Variants in NFIB observed in about 807,000 individuals in gnomAD.
NFIB encodes nuclear factor I B, also known as nuclear factor 1 B-type.
A neutral mutation model predicts 61.5 loss-of-function variants in NFIB; 11 were observed. The observed-to-expected ratio is 0.18, with a 90% CI of 0.11 to 0.30. The LOEUF (loss-of-function observed/expected upper bound fraction) is 0.30. Among genes scored for constraint, NFIB ranks in the 10% least tolerant of loss-of-function variants. NFIB has a pLI of 1.00. For missense variants in NFIB, 471 were observed against 608.9 expected (o/e 0.77, Z 2.38); for synonymous variants, 260 against 216.5 (o/e 1.20, Z -1.76).
intron 2 of NFIB, among the ~76,000 whole-genome samples, chr9:14,294,007 A>C (rs1339127795): frequency 1.3e-5 from 2 of 152,168 alleles, no homozygotes; most frequent in African/African-American, 2.4e-5. Context: ...CCTCCCATGA[A>C]CTCATCTTAA....
At chr9:14,206,420 C>T (rs1049971895) in intron 2 of NFIB, among the ~76,000 whole-genome samples, 5 of 151,988 alleles carry the variant, frequency 3.3e-5, no homozygotes, top group African/African-American at 4.8e-5. Flanking sequence ...CTTCCTGCCT[C>T]GGCCTCGCAA....
the NFIB span, among the ~76,000 whole-genome samples, chr9:14,445,040 G>C: frequency 6.6e-6 from 1 of 152,138 alleles, no homozygotes; most frequent in Non-Finnish European, 1.5e-5. Context: ...CTCATGATAT[G>C]TTTGTGAGCT....
intron 1 of NFIB, among the ~76,000 whole-genome samples, chr9:14,390,657 T>C (rs562599233): frequency 6.6e-6 from 1 of 152,344 alleles, no homozygotes; most frequent in South Asian, 2.1e-4. Context: ...TATTAGGTTA[T>C]GAAAGTGGAG....
intron 1 of NFIB, among the ~76,000 whole-genome samples, chr9:14,372,035 A>T (rs1302686308): frequency 6.6e-6 from 1 of 151,836 alleles, no homozygotes; most frequent in Non-Finnish European, 1.5e-5. Context: ...AGCTTAGAGC[A>T]CCATCTCTAC....
chr9:14,419,287 TA>T, the NFIB span, among the ~76,000 whole-genome samples: 7,236 of 127,004 alleles, frequency 0.057, 186 homozygotes, highest in East Asian at 0.076. Flanking sequence ...GCAGCACTGT[TA>T]AAAAAAAAAA....
chr9:14,502,806 A>C, the NFIB span, among the ~76,000 whole-genome samples: 2 of 151,970 alleles, frequency 1.3e-5, no homozygotes, highest in South Asian at 2.1e-4. Context: ...TTTAGTGGTA[A>C]TTTCTGAGAT....
intron 1 of NFIB, among the ~76,000 whole-genome samples, chr9:14,330,857 G>A (rs2060813265): frequency 6.6e-6 from 1 of 152,142 alleles, no homozygotes; most frequent in African/African-American, 2.4e-5. Context: ...ATTCATAGAT[G>A]TGATCTTAAT....
chr9:14,417,924 G>A, the NFIB span, among the ~76,000 whole-genome samples: 4 of 151,892 alleles, frequency 2.6e-5, no homozygotes, highest in African/African-American at 4.8e-5. Flanking sequence ...GGGATTACAG[G>A]TGCCCCCCAC....
intron 5 of NFIB, among the ~76,000 whole-genome samples, chr9:14,148,057 C>T (rs146913014): frequency 7.6e-4 from 115 of 152,254 alleles, no homozygotes; most frequent in African/African-American, 2.6e-3. Context: ...ATACTTCTTT[C>T]ATATGCCCCC....
intron 2 of NFIB, among the ~76,000 whole-genome samples, chr9:14,208,793 A>G (rs1205491227): frequency 6.6e-6 from 1 of 152,200 alleles, no homozygotes; most frequent in African/African-American, 2.4e-5. Context: ...AAAAAAATGC[A>G]AAAATATTCA....
intron 2 of NFIB, among the ~76,000 whole-genome samples, chr9:14,296,859 A>T (rs1477714022): frequency 1.3e-5 from 2 of 152,270 alleles, no homozygotes; most frequent in Admixed American, 6.5e-5. Flanking sequence ...AAGCAATTCA[A>T]AATTCAAAGG....
At chr9:14,376,836 TA>T (rs61381185) in intron 1 of NFIB, among the ~76,000 whole-genome samples, 3 of 150,552 alleles carry the variant, frequency 2.0e-5, no homozygotes, top group African/African-American at 4.9e-5. Context: ...CCATTTTTTT[TA>T]AAAAAAGAGA....
chr9:14,467,902 T>C, the NFIB span, among the ~76,000 whole-genome samples: 3 of 152,200 alleles, frequency 2.0e-5, no homozygotes, highest in Non-Finnish European at 1.5e-5. Context: ...TTAATAACAA[T>C]GTAGGTATTA....
intron 1 of NFIB, among the ~76,000 whole-genome samples, chr9:14,375,599 A>G (rs1374861837): frequency 6.6e-6 from 1 of 152,134 alleles, no homozygotes; most frequent in Admixed American, 6.6e-5. Flanking sequence ...TGGAGGTTGC[A>G]GTGAGCTGAG....
the NFIB span, among the ~76,000 whole-genome samples, chr9:14,505,691 G>C: frequency 6.6e-6 from 1 of 152,122 alleles, no homozygotes; most frequent in East Asian, 1.9e-4. Flanking sequence ...TAGGGAGAAG[G>C]GTGGGATTGG....
intron 5 of NFIB, 21 bp from the exon 6 acceptor site, chr9:14,146,828 T>C (rs773657839): frequency 6.3e-7 from 1 of 1,598,518 alleles, no homozygotes; most frequent in Non-Finnish European, 8.5e-7. Flanking sequence ...ATGGCAATAG[T>C]TATATTAATG....
chr9:14,247,482 A>G (rs2055065228), intron 2 of NFIB, among the ~76,000 whole-genome samples: 1 of 152,180 alleles, frequency 6.6e-6, no homozygotes, highest in South Asian at 2.1e-4. Flanking sequence ...TCACAGGAAA[A>G]TGTGCCAGTC....
At chr9:14,344,652 T>C (rs973849090) in intron 1 of NFIB, among the ~76,000 whole-genome samples, 3 of 152,172 alleles carry the variant, frequency 2.0e-5, no homozygotes, top group Admixed American at 6.5e-5. Context: ...TGAGAGTCAG[T>C]GTTTATACTG....
At chr9:14,181,682 G>T (rs1233053616) in intron 2 of NFIB, among the ~76,000 whole-genome samples, 3 of 152,178 alleles carry the variant, frequency 2.0e-5, no homozygotes, top group Non-Finnish European at 4.4e-5. Context: ...TTACATTCCA[G>T]TTTAATTTCT....
Sources: allele counts gnomAD v4.1 joint callset (sites outside exome capture counted in the v4.1 genomes callset), GRCh38; gene constraint gnomAD v4.1.1; transcripts MANE v1.5; gene names NCBI Gene and HGNC (gene_info 2026-07-23, HGNC 2026-07-21).